PKHD1: variants seen among roughly 807,000 people sequenced by gnomAD.
The protein encoded by PKHD1 is fibrocystin.
PKHD1 carries 291 observed loss-of-function variants against 412.0 expected under a neutral mutation model. That is an observed-to-expected ratio of 0.71 (90% confidence interval 0.64 to 0.78). PKHD1 has a LOEUF of 0.78. Ranked by LOEUF, PKHD1 falls within the 30% of genes least tolerant of loss-of-function variation. The pLI is 0.00. For missense variants in PKHD1, 4,825 were observed against 4,950.7 expected (o/e 0.97, Z 0.76); for synonymous variants, 1,777 against 1,821.5 (o/e 0.98, Z 0.62).
intron 48 of PKHD1, among the ~76,000 whole-genome samples, 179 bp downstream of exon 48, chr6:51,867,684 A>G (rs1450764526): frequency 6.6e-6 from 1 of 152,158 alleles, no homozygotes; most frequent in Non-Finnish European, 1.5e-5. Flanking sequence ...CATTTGAGTC[A>G]GCTTAAAACT....
At chr6:51,767,684 T>C (rs1431981330) in intron 55 of PKHD1, among the ~76,000 whole-genome samples, 1 of 152,074 alleles carries the variant, frequency 6.6e-6, no homozygotes, top group Non-Finnish European at 1.5e-5. Context: ...CCATGGTGTA[T>C]ATGTGCCACG....
intron 37 of PKHD1, among the ~76,000 whole-genome samples, chr6:51,914,487 A>G (rs1783470892): frequency 6.6e-6 from 1 of 152,138 alleles, no homozygotes; most frequent in Admixed American, 6.6e-5. Context: ...CATTTAGATG[A>G]GCTACTACCA....
intron 46 of PKHD1, among the ~76,000 whole-genome samples, chr6:51,880,765 A>C (rs1777129387): frequency 2.3e-5 from 1 of 43,918 alleles, no homozygotes; most frequent in Non-Finnish European, 3.8e-5. Flanking sequence ...TTAGAGTATA[A>C]TAAAAAAAAA....
Position 51,619,178 on chromosome 6 carries a change from C to G in PKHD1, c.12128G>C (p.Ser4043Thr). The change falls in exon 67 of 67, where the codon AGC (serine) becomes ACC (threonine). Residue 4043 changes from serine to threonine, a missense_variant. By Grantham distance (58) the Ser-to-Thr change is moderately conservative. Transcript: ENST00000371117. ...TTTCTTCTCTTGGGAAAGCCCCAAG[C>G]TGCCACTTTGCTTACTCAGCCGACT... ...GQSRLSKQSG[S>T]LGLSQEKKAS... 1 of 1,614,260 alleles carries G rather than the reference C, an allele frequency of 6.2e-7. No individual in the cohort carries two copies.
In PKHD1 at chr6:51,904,016, A is replaced by G. The variant is rs1464385943; in HGVS notation, c.6835T>C (p.Ser2279Pro). 6.3e-7 allele frequency: 1 copy of G among 1,595,250 alleles called. No homozygotes were observed. ...TTCCTTCCATGAATTGCCTCCCAGG[A>G]GATATATCTCATCTCCGTGCATGTC... ...VGTCTEMRYISWEAIHGRKDD... is the reference protein window; with the variant it reads ...VGTCTEMRYIPWEAIHGRKDD... The change falls in exon 42 of 67, where the codon TCC becomes CCC. Residue 2279 changes from serine to proline, a missense_variant. Coordinates refer to ENST00000371117, the MANE Select transcript of PKHD1 (RefSeq NM_138694.4).
At chr6:51,951,356 C>T (rs1179720949) in intron 36 of PKHD1, among the ~76,000 whole-genome samples, 2 of 151,918 alleles carry the variant, frequency 1.3e-5, no homozygotes, top group Non-Finnish European at 1.5e-5. Flanking sequence ...GTCTTTTTCC[C>T]GAGGTCTGTA....
chr6:51,935,298 G>A (rs1258969522), intron 36 of PKHD1, among the ~76,000 whole-genome samples: 3 of 152,040 alleles, frequency 2.0e-5, no homozygotes, highest in African/African-American at 7.2e-5. Flanking sequence ...TGCATTGTGA[G>A]ATTAAATAAT....
chr6:52,034,583 T>C (rs2128166651), intron 28 of PKHD1, among the ~76,000 whole-genome samples: 1 of 152,064 alleles, frequency 6.6e-6, no homozygotes, highest in East Asian at 1.9e-4. Context: ...ATGGTGGGAG[T>C]ATAATTTGAA....
At chr6:51,989,899 GGGA>G (rs1562072273) in intron 35 of PKHD1, among the ~76,000 whole-genome samples, 1,406 of 7,746 alleles carry the variant, frequency 0.18, 47 homozygotes, top group Non-Finnish European at 0.25. Flanking sequence ...GAAGGAAGGA[GGGA>G]GGAAGGAAGG....
At chr6:52,044,258 T>C (rs1297024698) in intron 25 of PKHD1, among the ~76,000 whole-genome samples, 2 of 152,136 alleles carry the variant, frequency 1.3e-5, no homozygotes, top group Non-Finnish European at 2.9e-5. Context: ...CTAATGTTAA[T>C]CTAATAGAAC....
chr6:51,957,551 G>A (rs1470782169), intron 36 of PKHD1, among the ~76,000 whole-genome samples: 1 of 152,016 alleles, frequency 6.6e-6, no homozygotes, highest in South Asian at 2.1e-4. Flanking sequence ...TTAAGACTAG[G>A]TTAGTACCAA....
chr6:51,805,923 A>G (rs545547257), intron 52 of PKHD1, among the ~76,000 whole-genome samples: 6 of 152,228 alleles, frequency 3.9e-5, no homozygotes, highest in Middle Eastern at 6.8e-3. Flanking sequence ...AGTCTTTGCT[A>G]TTGTGAATAG....
intron 51 of PKHD1, among the ~76,000 whole-genome samples, chr6:51,832,009 G>T (rs1329133554): frequency 6.6e-6 from 1 of 152,086 alleles, no homozygotes; most frequent in African/African-American, 2.4e-5. Context: ...CTTTTGAGGG[G>T]AGGGAGGGAA....
chr6:51,815,396 T>C (rs1765287947), intron 52 of PKHD1, among the ~76,000 whole-genome samples: 1 of 152,096 alleles, frequency 6.6e-6, no homozygotes, highest in Non-Finnish European at 1.5e-5. Flanking sequence ...GGGGACACTT[T>C]CTAGAAGAGG....
At chr6:51,903,857 A>ATATATATATATATC in intron 42 of PKHD1, 129 bp downstream of exon 42, 1 of 418,026 alleles carries the variant, frequency 2.4e-6, no homozygotes, top group African/African-American at 2.3e-5. Flanking sequence ...ATATATATAT[A>ATATATATATATATC]TATTTAGAAA....
At chr6:51,978,118 T>C (rs980373192) in intron 35 of PKHD1, among the ~76,000 whole-genome samples, 1 of 152,080 alleles carries the variant, frequency 6.6e-6, no homozygotes, top group Non-Finnish European at 1.5e-5. Context: ...CCTTTGGCCC[T>C]ACTCATCTCT....
intron 60 of PKHD1, among the ~76,000 whole-genome samples, chr6:51,734,610 G>T (rs1783616467): frequency 6.6e-6 from 1 of 152,016 alleles, no homozygotes; most frequent in Non-Finnish European, 1.5e-5. Context: ...ACGGGTGAAG[G>T]AGAGTCACAA....
chr6:51,662,582 T>C (rs1041621597), intron 60 of PKHD1, among the ~76,000 whole-genome samples: 1 of 151,792 alleles, frequency 6.6e-6, no homozygotes, highest in African/African-American at 2.4e-5. Flanking sequence ...ATAATCAATA[T>C]GATTGCAGAA....
In PKHD1 at chr6:51,659,343, T is replaced by C. The variant is rs1243189697; in HGVS notation, c.10783A>G (p.Ile3595Val). The change falls in exon 61 of 67, where the codon ATC becomes GTC. Residue 3595 changes from isoleucine (I) to valine (V), a missense_variant. By Grantham distance (29) the Ile-to-Val change is conservative. Transcript: ENST00000371117. ...TNFLQIGQNQIRFIHEMPGHE... is the reference protein window; with the variant it reads ...TNFLQIGQNQVRFIHEMPGHE... ...CCAGGCATCTCGTGAATAAACCTGA[T>C]TTGGTTTTGGCCAATCTGTAAGAAG... The C allele has an allele frequency of 6.2e-7, 1 of 1,613,898 alleles. No homozygotes were observed. The highest frequency in any genetic ancestry group is 2.2e-5 in the East Asian group (1 of 44,854).
Sources: allele counts gnomAD v4.1 joint callset (sites outside exome capture counted in the v4.1 genomes callset), GRCh38; gene constraint gnomAD v4.1.1; transcripts MANE v1.5; gene names NCBI Gene and HGNC (gene_info 2026-07-23, HGNC 2026-07-21).